The following ZFAND3 variants were observed in gnomAD, a reference collection of about 807,000 sequenced individuals.
ZFAND3 encodes zinc finger AN1-type containing 3, also known as AN1-type zinc finger protein 3.
In ZFAND3, 10 loss-of-function variants were observed where a neutral mutation model predicts 29.6. The observed-to-expected ratio is 0.34, with a 90% CI of 0.21 to 0.57. The LOEUF is 0.57. Among genes scored for constraint, ZFAND3 ranks in the 20% least tolerant of loss-of-function variants. The pLI, the probability that ZFAND3 is intolerant of heterozygous loss-of-function variation, is 0.86. For missense variants in ZFAND3, 230 were observed against 304.5 expected, an observed-to-expected ratio of 0.76 and a Z score of 1.82; for synonymous variants, 128 against 112.6, an observed-to-expected ratio of 1.14 and a Z score of -0.87.
intron 1 of ZFAND3, among the ~76,000 whole-genome samples, chr6:37,878,610 AG>A (rs1327782992): frequency 1.3e-5 from 2 of 152,232 alleles, no homozygotes; most frequent in African/African-American, 4.8e-5. Context: ...CACCACTGGC[AG>A]CTACAGCCTC....
At chr6:38,099,874 A>C (rs1255492567) in intron 4 of ZFAND3, among the ~76,000 whole-genome samples, 1 of 152,174 alleles carries the variant, frequency 6.6e-6, no homozygotes, top group Non-Finnish European at 1.5e-5. Context: ...TATATGTCCA[A>C]ATATGCAGAT....
chr6:37,930,093 G>C, intron 2 of ZFAND3, 94 bp downstream of exon 2: 1 of 1,229,008 alleles, frequency 8.1e-7, no homozygotes. Flanking sequence ...TGACCCTAAA[G>C]GATTTATGCA....
intron 1 of ZFAND3, among the ~76,000 whole-genome samples, chr6:37,820,588 A>G (rs1395716473): frequency 1.3e-5 from 2 of 152,252 alleles, no homozygotes; most frequent in Non-Finnish European, 2.9e-5. Flanking sequence ...GGGTAAAGTT[A>G]TAAGATTGTT....
rs1049984340 is a variant in ZFAND3, at chr6:38,046,523, T to C, written c.113-15070T>C. On this transcript the variant is annotated intron_variant, in intron 2 of 5. Transcript: ENST00000287218. ...TTAAGTGAAATTTAGACAAACCAGA[T>C]TGGATTAACTAGGTATGAGGCAGTT... is the stretch of plus-strand genomic sequence containing the variant. Among the ~76,000 whole-genome samples, 26 of 152,354 alleles carry C rather than the reference T, an allele frequency of 1.7e-4. No individual in the cohort carries two copies. In the Middle Eastern group the frequency reaches 0.01, roughly 60 times the overall value.
chr6:38,004,006 ATGT>A (rs1363559009), intron 2 of ZFAND3, among the ~76,000 whole-genome samples: 4 of 152,044 alleles, frequency 2.6e-5, no homozygotes, highest in Non-Finnish European at 4.4e-5. Context: ...TTTCTCATTA[ATGT>A]TGTTATCTTT....
intron 1 of ZFAND3, among the ~76,000 whole-genome samples, chr6:37,860,753 T>C (rs1317881931): frequency 6.6e-6 from 1 of 152,022 alleles, no homozygotes; most frequent in Non-Finnish European, 1.5e-5. Context: ...CCAGTTTTTT[T>C]TTTTCAAACA....
chr6:37,820,198 G>A (rs893416908), intron 1 of ZFAND3, among the ~76,000 whole-genome samples, 182 bp downstream of exon 1: 46 of 151,122 alleles, frequency 3.0e-4, no homozygotes, highest in Non-Finnish European at 5.9e-4. Context: ...CTGGGGGTGG[G>A]CAGAGAAGGC....
rs1765506160 is a variant in ZFAND3, at chr6:37,910,763, T to C, written c.72-19196T>C. Among the ~76,000 whole-genome samples the C allele has an allele frequency of 1.3e-5, 2 of 152,224 alleles. 1 individual carries two copies. On this transcript the variant is annotated intron_variant, in intron 1 of 5. Coordinates refer to ENST00000287218, the MANE Select transcript of ZFAND3 (RefSeq NM_021943.3). ...CTCTCTGCTTCTGTGAGTTGGACTC[T>C]TTTACATTCTGCACATAAATGAGAT...
chr6:37,877,899 A>C (rs1764822949), intron 1 of ZFAND3, among the ~76,000 whole-genome samples: 2 of 152,222 alleles, frequency 1.3e-5, no homozygotes, highest in South Asian at 4.1e-4. Flanking sequence ...GAAGGTTTTA[A>C]GCAGGGAATG....
chr6:37,944,664 A>G (rs544045184), intron 2 of ZFAND3, among the ~76,000 whole-genome samples: 1 of 152,264 alleles, frequency 6.6e-6, no homozygotes, highest in East Asian at 1.9e-4. Flanking sequence ...TGCTTCATAT[A>G]ACTTGGGTAG....
rs535296659 is a variant in ZFAND3 at position 38,042,616 on chromosome 6, G to A, written c.113-18977G>A. ...AACTTGGACCACTGCACCTGGTCGA[G>A]CTGCTTTTTAAGACCTCTCTTTTAA... On this transcript the variant is annotated intron_variant, in intron 2 of 5. Transcript: ENST00000287218. Among the ~76,000 whole-genome samples, 4 of 152,204 alleles carry A rather than the reference G, an allele frequency of 2.6e-5. 1 individual carries two copies. In the South Asian group the frequency reaches 8.3e-4, roughly 32 times the overall value.
At chr6:37,931,890 G>A (rs1761603569) in intron 2 of ZFAND3, among the ~76,000 whole-genome samples, 1 of 152,188 alleles carries the variant, frequency 6.6e-6, no homozygotes, top group African/African-American at 2.4e-5. Flanking sequence ...TCAAAATTTG[G>A]AATTTGTCAG....
At chr6:37,863,712 C>T (rs1764535777) in intron 1 of ZFAND3, among the ~76,000 whole-genome samples, 2 of 151,656 alleles carry the variant, frequency 1.3e-5, no homozygotes, top group Non-Finnish European at 2.9e-5. Flanking sequence ...TTAATTAGGA[C>T]CAGGCAGTCA....
intron 2 of ZFAND3, among the ~76,000 whole-genome samples, chr6:37,967,318 C>CT (rs1344217167): frequency 1.2e-4 from 18 of 152,248 alleles, no homozygotes; most frequent in Admixed American, 1.1e-3. Context: ...CCTGTAAGAG[C>CT]CTCTTCAGGC....
chr6:37,935,710 G>C (rs1761686297), intron 2 of ZFAND3, among the ~76,000 whole-genome samples: 1 of 152,172 alleles, frequency 6.6e-6, no homozygotes, highest in Admixed American at 6.5e-5. Flanking sequence ...TTTTAAGTTT[G>C]AAACCCAGTG....
intron 5 of ZFAND3, among the ~76,000 whole-genome samples, chr6:38,122,627 C>T (rs1765557728): frequency 6.6e-6 from 1 of 152,092 alleles, no homozygotes; most frequent in Middle Eastern, 3.2e-3. Context: ...CCCTAAATTT[C>T]CCCAATCCTG....
chr6:37,850,363 CT>C (rs1385762766), intron 1 of ZFAND3, among the ~76,000 whole-genome samples: 3 of 152,122 alleles, frequency 2.0e-5, no homozygotes, highest in African/African-American at 7.2e-5. Flanking sequence ...CTGCTGTTTA[CT>C]TTGTGCCAGA....
chr6:37,864,861 G>A (rs1253152213), intron 1 of ZFAND3, among the ~76,000 whole-genome samples: 1 of 152,060 alleles, frequency 6.6e-6, no homozygotes, highest in Non-Finnish European at 1.5e-5. Context: ...TACCAAATCC[G>A]AGGATGCTCA....
chr6:37,828,240 T>G (rs1033322418), intron 1 of ZFAND3, among the ~76,000 whole-genome samples: 1 of 152,252 alleles, frequency 6.6e-6, no homozygotes, highest in East Asian at 1.9e-4. Flanking sequence ...TATTCATTTA[T>G]TTTTTACAAG....
Sources: gnomAD v4.1 joint callset for allele counts (sites outside exome capture counted in the v4.1 genomes callset) on GRCh38, gnomAD v4.1.1 for gene constraint, MANE v1.5 for transcripts, NCBI Gene and HGNC (gene_info 2026-07-23, HGNC 2026-07-21) for gene names.